The following MYCBP2 variants were observed in gnomAD, a reference collection of about 807,000 sequenced individuals.
MYCBP2 encodes the protein E3 ubiquitin-protein ligase MYCBP2.
Under a neutral mutation model 525.3 loss-of-function variants are expected in MYCBP2, and 120 were observed. That is an observed-to-expected ratio of 0.23 (90% CI 0.20 to 0.27). The LOEUF is 0.27. MYCBP2 is among the 10% of genes least tolerant of loss of function. The probability of loss-of-function intolerance (pLI) is 1.00; values close to 1 mark genes in which losing one functional copy is unlikely to be tolerated. For missense variants in MYCBP2, 4,149 were observed against 5,657.1 expected (o/e 0.73, Z 8.55); for synonymous variants, 1,894 against 1,955.8 (o/e 0.97, Z 0.83).
intron 73 of MYCBP2, among the ~76,000 whole-genome samples, chr13:77,063,445 G>T (rs1326652844): frequency 6.6e-6 from 1 of 151,332 alleles, no homozygotes; most frequent in Admixed American, 6.6e-5. Context: ...TGTAATCCGA[G>T]CTACTTGGGA....
At chr13:77,294,550 C>T (rs1257944613) in intron 2 of MYCBP2, among the ~76,000 whole-genome samples, 1 of 152,126 alleles carries the variant, frequency 6.6e-6, no homozygotes, top group African/African-American at 2.4e-5. Flanking sequence ...ACCTTGACTT[C>T]TCCTCACCTC....
intron 1 of MYCBP2, among the ~76,000 whole-genome samples, chr13:77,306,648 T>C (rs2079460324): frequency 6.6e-6 from 1 of 152,148 alleles, no homozygotes; most frequent in Admixed American, 6.5e-5. Context: ...TACTCTTAAG[T>C]AAACATAGGC....
In MYCBP2 at chr13:77,261,304, C is replaced by T. The variant is rs1328240188; in HGVS notation, c.1719G>A (p.Glu573=). 1 of 1,612,996 alleles carries T rather than the reference C, an allele frequency of 6.2e-7. No individual in the cohort carries two copies. Among genetic ancestry groups the T allele is most frequent in the Non-Finnish European group, 8.5e-7 (1 of 1,179,660 alleles). The part of the protein sequence containing the change: ...QGGPSAGKWV[E]LPITKSPKIV... ...TCTTTGGAGATTTTGTAATTGGTAG[C>T]TCAACCCATTTTCCTGCTGAAGGAC... The change falls in exon 12 of 83, where the codon GAG becomes GAA. Residue 573 remains glutamate, a synonymous_variant. Coordinates refer to ENST00000544440, the MANE Select transcript of MYCBP2 (RefSeq NM_015057.5).
intron 29 of MYCBP2, among the ~76,000 whole-genome samples, chr13:77,189,250 A>G (rs959763370): frequency 6.6e-6 from 1 of 152,086 alleles, no homozygotes; most frequent in Admixed American, 6.5e-5. Context: ...TTTAAATCCT[A>G]CCTTCGCAAG....
intron 17 of MYCBP2, among the ~76,000 whole-genome samples, chr13:77,235,956 T>G (rs2067856618): frequency 6.6e-6 from 1 of 151,992 alleles, no homozygotes; most frequent in East Asian, 1.9e-4. Flanking sequence ...GAGATGAGGC[T>G]GTAGAGATAA....
intron 66 of MYCBP2, 45 bp downstream of exon 66, chr13:77,078,779 T>C (rs1375804830): frequency 6.6e-7 from 1 of 1,512,388 alleles, no homozygotes; most frequent in East Asian, 2.3e-5. Flanking sequence ...GAAGAAGAAA[T>C]TTCTCTCTAG....
intron 52 of MYCBP2, among the ~76,000 whole-genome samples, chr13:77,127,896 A>G (rs2051974309): frequency 6.6e-6 from 1 of 151,906 alleles, no homozygotes; most frequent in Non-Finnish European, 1.5e-5. Context: ...ATCTCACTAT[A>G]GTGATGAATA....
In MYCBP2 at chr13:77,078,874, T is replaced by C. The variant is rs376550921; in HGVS notation, c.11434A>G (p.Met3812Val). The C allele has an allele frequency of 3.7e-6, 6 of 1,613,176 alleles. No individual in the cohort carries two copies. The highest frequency in any genetic ancestry group is 1.3e-5 in the African/African-American group (1 of 74,890). The stretch of plus-strand genomic sequence containing the variant: ...ACTGCTTTGCCAGTTAAGAAGGTCA[T>C]TGAGGTAACTTTATTCTGAAATAGA... ...SRDLGNKVTS[M>V]TFLTGKAVED... is the part of the protein sequence containing the mutation. The change falls in exon 66 of 83, where the codon ATG becomes GTG. Residue 3812 changes from methionine to valine, a missense_variant. Physicochemically the swap from Met to Val is conservative, Grantham distance 21. Coordinates refer to ENST00000544440, the MANE Select transcript of MYCBP2 (RefSeq NM_015057.5).
At chr13:77,229,339 C>G (rs2066797976) in intron 18 of MYCBP2, among the ~76,000 whole-genome samples, 1 of 152,090 alleles carries the variant, frequency 6.6e-6, no homozygotes, top group Non-Finnish European at 1.5e-5. Context: ...GTCCATCTTA[C>G]AGATGAAAAA....
chr13:77,280,699 A>G (rs1190633253), intron 3 of MYCBP2, among the ~76,000 whole-genome samples: 1 of 152,194 alleles, frequency 6.6e-6, no homozygotes, highest in Non-Finnish European at 1.5e-5. Flanking sequence ...GGTAAGTTTA[A>G]GGTGTAATAA....
At chr13:77,138,134 C>T (rs2054038128) in intron 52 of MYCBP2, among the ~76,000 whole-genome samples, 1 of 152,110 alleles carries the variant, frequency 6.6e-6, no homozygotes, top group Non-Finnish European at 1.5e-5. Context: ...TTCAACTTAA[C>T]CTCCGTAAAG....
chr13:77,229,112 T>C (rs7984798), intron 18 of MYCBP2, among the ~76,000 whole-genome samples: 4,088 of 152,246 alleles, frequency 0.027, 198 homozygotes, highest in African/African-American at 0.092. Context: ...ACTTAAGAAC[T>C]TGGACTGGAA....
At chr13:77,282,709 T>C (rs1380265892) in intron 3 of MYCBP2, among the ~76,000 whole-genome samples, 1 of 152,192 alleles carries the variant, frequency 6.6e-6, no homozygotes, top group African/African-American at 2.4e-5. Flanking sequence ...ACACACTGGA[T>C]ACTTCACATT....
At chr13:77,174,541 A>T (rs776023855) in intron 36 of MYCBP2, 52 bp from the exon 37 acceptor site, 23 of 1,425,552 alleles carry the variant, frequency 1.6e-5, no homozygotes, top group Non-Finnish European at 2.1e-5. Context: ...CAGAGGATAT[A>T]TAAAAAGAAC....
At chr13:77,136,601 TC>T (rs1199218401) in intron 52 of MYCBP2, among the ~76,000 whole-genome samples, 1 of 152,172 alleles carries the variant, frequency 6.6e-6, no homozygotes, top group Non-Finnish European at 1.5e-5. Context: ...GGCAGGGGAT[TC>T]CAGTTGGGTC....
rs569072636 is a variant in MYCBP2 at position 77,059,624 on chromosome 13, T to G, written c.13039A>C (p.Lys4347Gln). Residue 4347 changes from lysine (K) to glutamine (Q), a missense_variant and splice_region_variant, in exon 77 of 83, where the codon AAA becomes CAA. By Grantham distance (53) the Lys-to-Gln change is moderately conservative. Coordinates refer to ENST00000544440, the MANE Select transcript of MYCBP2 (RefSeq NM_015057.5). The part of the protein sequence containing the change: ...AMVEFREHTG[K>Q]PTTSSSEACR... ...GCTTCTGAGCTACTCGTGGTGGGTT[T>G]GCCTAGGTTCAAGCAGAAAAATAAA... 1.2e-6 allele frequency: 2 copies of G among 1,612,684 alleles called. No homozygotes were observed. Among genetic ancestry groups the G allele is most frequent in the South Asian group, 2.2e-5 (2 of 91,070 alleles).
intron 61 of MYCBP2, 24 bp from the exon 62 acceptor site, chr13:77,087,657 GTTCAAGA>G (rs2044560326): frequency 6.3e-7 from 1 of 1,594,040 alleles, no homozygotes; most frequent in Admixed American, 1.7e-5. Flanking sequence ...GGTTAAATGA[GTTCAAGA>G]ATAAAATACA....
intron 81 of MYCBP2, 59 bp downstream of exon 81, chr13:77,051,752 A>T (rs947297588): frequency 2.3e-6 from 3 of 1,287,244 alleles, no homozygotes; most frequent in African/African-American, 1.5e-5. Context: ...ATTATTGTTT[A>T]AAAAATAATA....
chr13:77,140,865 G>C lies in MYCBP2; in HGVS notation c.7382C>G (p.Ser2461Cys), dbSNP rs763658534. The C allele has an allele frequency of 3.1e-6, 5 of 1,611,984 alleles. No homozygotes were observed. Among genetic ancestry groups the C allele is most frequent in the East Asian group, 4.5e-5 (2 of 44,760 alleles). The change falls in exon 50 of 83, where the codon TCT (serine) becomes TGT (cysteine). Residue 2461 changes from serine to cysteine, a missense_variant. By Grantham distance (112) the Ser-to-Cys change is moderately radical. This residue lies in a region of MYCBP2 where 692 missense variants were observed against 852.7 expected (regional missense o/e 0.81). Coordinates refer to ENST00000544440, the MANE Select transcript of MYCBP2 (RefSeq NM_015057.5). ...CCTAACCTTATTAGGCTGAGGTTCA[G>C]ACTTTGGTTTGACCAACTGAGTTCC... Reference protein sequence around the residue: ...PPGTQLVKPKSEPQPNKVRKF... With the variant: ...PPGTQLVKPKCEPQPNKVRKF...
Sources: gnomAD v4.1 joint callset for allele counts (sites outside exome capture counted in the v4.1 genomes callset) on GRCh38, gnomAD v4.1.1 for gene constraint, gnomAD v4.1.1 regional missense constraint, MANE v1.5 for transcripts, NCBI Gene and HGNC (gene_info 2026-07-23, HGNC 2026-07-21) for gene names.